The following PCBP3 variants were observed in gnomAD, a reference collection of about 807,000 sequenced individuals.
PCBP3 encodes poly(rC)-binding protein 3.
A neutral mutation model predicts 52.7 loss-of-function variants in PCBP3; 25 were observed. The ratio of observed to expected loss-of-function variants is 0.47; its 90% confidence interval spans 0.35 to 0.66. PCBP3 has a LOEUF of 0.66. Ranked by LOEUF, PCBP3 falls within the 30% of genes least tolerant of loss-of-function variation. The probability of loss-of-function intolerance (pLI) is 0.01; values close to 1 mark genes in which losing one functional copy is unlikely to be tolerated. For missense variants in PCBP3, 391 were observed against 490.3 expected, an observed-to-expected ratio of 0.80 and a Z score of 1.91; for synonymous variants, 162 against 183.0, an observed-to-expected ratio of 0.89 and a Z score of 0.93.
At chr21:45,668,084 G>C (rs939682024) in intron 1 of PCBP3, among the ~76,000 whole-genome samples, 1 of 152,042 alleles carries the variant, frequency 6.6e-6, no homozygotes, top group Non-Finnish European at 1.5e-5. Flanking sequence ...TTTTCTGATT[G>C]TGCAGAGTCT....
In PCBP3 at chr21:45,656,547, C is replaced by T. The variant is rs1381081701; in HGVS notation, c.-278-12327C>T. Reference sequence around the variant, plus strand: ...TAGGAGAACTACCTAATGTAGATGACGGGTTGATGGGTGCAGCAAACCACC... The same window carrying T: ...TAGGAGAACTACCTAATGTAGATGATGGGTTGATGGGTGCAGCAAACCACC... On this transcript the variant is annotated intron_variant, in intron 1 of 17. Coordinates refer to ENST00000681687, the MANE Select transcript of PCBP3 (RefSeq NM_001384156.1). The surrounding 1 kb of genome is among the most constrained non-coding windows in gnomAD (Gnocchi z 4.3). 4.6e-5 allele frequency among the ~76,000 whole-genome samples: 7 copies of T among 151,928 alleles called. No homozygotes were observed. Among genetic ancestry groups the T allele is most frequent in the East Asian group, 3.9e-4 (2 of 5,184 alleles).
intron 4 of PCBP3, among the ~76,000 whole-genome samples, chr21:45,767,805 C>G (rs1023982984): frequency 5.9e-5 from 9 of 152,226 alleles, no homozygotes; most frequent in African/African-American, 2.2e-4. Flanking sequence ...AGGCCCCAGG[C>G]CCCTGCAGGT....
At chr21:45,939,082 G>A (rs1278821661) in intron 16 of PCBP3, among the ~76,000 whole-genome samples, 1 of 152,242 alleles carries the variant, frequency 6.6e-6, no homozygotes, top group Non-Finnish European at 1.5e-5. Flanking sequence ...CGGGAGGTGG[G>A]AGTGGACTCT....
At chr21:45,649,499 C>T (rs996118904) in intron 1 of PCBP3, among the ~76,000 whole-genome samples, 53 of 152,212 alleles carry the variant, frequency 3.5e-4, no homozygotes, top group African/African-American at 1.2e-3. Flanking sequence ...AAATTCATAA[C>T]CAATTGTACC....
At chr21:45,740,322 A>ACTTCTGTTAGCATC (rs1178095967) in intron 3 of PCBP3, among the ~76,000 whole-genome samples, 1 of 152,166 alleles carries the variant, frequency 6.6e-6, no homozygotes, top group African/African-American at 2.4e-5. Flanking sequence ...CTGGCAGGTC[A>ACTTCTGTTAGCATC]CTTCTGTTAG....
chr21:45,743,995 A>G (rs151096155), intron 3 of PCBP3, among the ~76,000 whole-genome samples: 419 of 152,088 alleles, frequency 2.8e-3, no homozygotes, highest in Non-Finnish European at 4.3e-3. Context: ...TTTAGTGTCT[A>G]TATAATTTCT....
At chr21:45,862,051 G>C (rs765703691) in intron 5 of PCBP3, among the ~76,000 whole-genome samples, 1 of 152,092 alleles carries the variant, frequency 6.6e-6, no homozygotes, top group Non-Finnish European at 1.5e-5. Context: ...TGGGATGTAA[G>C]GGTAAAAAGG....
In PCBP3 at chr21:45,735,056, C is replaced by G. The variant is rs747704798; in HGVS notation, c.-199-336C>G. ...TACTCTCCCTGTGTTCTTACCTTCC[C>G]CTATAGATTCAGAGGGATTTGAGAA... On this transcript the variant is annotated intron_variant, in intron 2 of 17. Coordinates refer to ENST00000681687, the MANE Select transcript of PCBP3 (RefSeq NM_001384156.1). The surrounding 1 kb of genome is among the most constrained non-coding windows in gnomAD (Gnocchi z 4.0). Among the ~76,000 whole-genome samples, 1 of 152,176 alleles carries G rather than the reference C, an allele frequency of 6.6e-6. No individual in the cohort carries two copies. The highest frequency in any genetic ancestry group is 1.5e-5 in the Non-Finnish European group (1 of 68,032).
chr21:45,805,866 C>T lies in PCBP3; in HGVS notation c.-125-44095C>T, dbSNP rs1437861955. On this transcript the variant is annotated intron_variant, in intron 4 of 17. Transcript: ENST00000681687. The surrounding 1 kb of genome is among the most constrained non-coding windows in gnomAD (Gnocchi z 4.6). ...CCTAGCACCTGCACACTCGGATGGT[C>T]CTGAGGAAAGGAGGGCGAGAGCAGA... 6.6e-6 allele frequency among the ~76,000 whole-genome samples: 1 copy of T among 152,048 alleles called. No homozygotes were observed. Among genetic ancestry groups the T allele is most frequent in the Non-Finnish European group, 1.5e-5 (1 of 68,008 alleles).
chr21:45,644,118 G>A (rs1356039410), intron 1 of PCBP3, among the ~76,000 whole-genome samples: 1 of 151,318 alleles, frequency 6.6e-6, no homozygotes, highest in Non-Finnish European at 1.5e-5. Flanking sequence ...GCCCGCCTCC[G>A]CCCCCTCCCC....
At chr21:45,789,308 G>A (rs922116474) in intron 4 of PCBP3, among the ~76,000 whole-genome samples, 20 of 152,242 alleles carry the variant, frequency 1.3e-4, no homozygotes, top group Admixed American at 7.2e-4. Context: ...GCATGTGTGC[G>A]AGGGTGAGTG....
At position 45,805,727 on chromosome 21, in the gene PCBP3, C is replaced by G. The variant is rs995884889; in HGVS notation, c.-125-44234C>G. Among the ~76,000 whole-genome samples the G allele has an allele frequency of 2.6e-5, 4 of 152,218 alleles. No individual in the cohort carries two copies. The highest frequency in any genetic ancestry group is 4.8e-5 in the African/African-American group (2 of 41,466). ...CCCTGCACCTGAGCTTGCAGGCATGCTCCTGTCTTTCTGTGGTGGTAAAGG... is the reference window on the plus strand; with the variant it reads ...CCCTGCACCTGAGCTTGCAGGCATGGTCCTGTCTTTCTGTGGTGGTAAAGG... On this transcript the variant is annotated intron_variant, in intron 4 of 17. Transcript: ENST00000681687. This position sits in a 1 kb window ranked among gnomAD's most constrained non-coding sequence, Gnocchi z 4.6.
At chr21:45,794,873 G>A (rs922043165) in intron 4 of PCBP3, among the ~76,000 whole-genome samples, 4 of 151,322 alleles carry the variant, frequency 2.6e-5, no homozygotes, top group East Asian at 2.0e-4. Flanking sequence ...AGCTTGCAGT[G>A]AGCCGAGATT....
At chr21:45,891,175 C>A (rs1201087938) in intron 5 of PCBP3, among the ~76,000 whole-genome samples, 4 of 133,984 alleles carry the variant, frequency 3.0e-5, no homozygotes, top group African/African-American at 5.0e-5. Context: ...AGTGGAACCG[C>A]CGTGCCGCAG....
At chr21:45,926,105 C>T (rs2075369280) in intron 13 of PCBP3, among the ~76,000 whole-genome samples, 1 of 152,270 alleles carries the variant, frequency 6.6e-6, no homozygotes, top group Non-Finnish European at 1.5e-5. Flanking sequence ...AAAGCAATTG[C>T]AGTCATGCAC....
intron 15 of PCBP3, among the ~76,000 whole-genome samples, chr21:45,934,073 C>T (rs917842337): frequency 6.6e-6 from 1 of 151,896 alleles, no homozygotes; most frequent in Non-Finnish European, 1.5e-5. Flanking sequence ...CTGAGGGGCA[C>T]AGCAGAGGCA....
rs188817388 is a variant in PCBP3, at chr21:45,704,727, A to G, written c.-199-30665A>G. On this transcript the variant is annotated intron_variant, in intron 2 of 17. Coordinates refer to ENST00000681687, the MANE Select transcript of PCBP3 (RefSeq NM_001384156.1). The surrounding 1 kb of genome is among the most constrained non-coding windows in gnomAD (Gnocchi z 4.1). ...CCATAGCTTCCTGACCTCTGGAAGAACAGAAGTTGCTGCTGGCAGAGTTCC... is the reference window on the plus strand; with the variant it reads ...CCATAGCTTCCTGACCTCTGGAAGAGCAGAAGTTGCTGCTGGCAGAGTTCC... Among the ~76,000 whole-genome samples the G allele has an allele frequency of 1.7e-3, 263 of 152,344 alleles. 1 individual carries two copies. Among genetic ancestry groups the G allele is most frequent in the African/African-American group, 6.1e-3 (252 of 41,584 alleles).
chr21:45,891,174 G>A (rs190625151), intron 5 of PCBP3, among the ~76,000 whole-genome samples: 4 of 133,706 alleles, frequency 3.0e-5, no homozygotes, highest in East Asian at 5.8e-4. Context: ...TAGTGGAACC[G>A]CCGTGCCGCA....
intron 4 of PCBP3, among the ~76,000 whole-genome samples, chr21:45,819,405 C>T (rs1310273641): frequency 6.6e-6 from 1 of 152,224 alleles, no homozygotes; most frequent in Non-Finnish European, 1.5e-5. Context: ...GCTCTTCTCC[C>T]AAGAACACAC....
Sources: allele counts gnomAD v4.1 joint callset (sites outside exome capture counted in the v4.1 genomes callset), GRCh38; gene constraint gnomAD v4.1.1; non-coding constraint Gnocchi (gnomAD v3.1); transcripts MANE v1.5; gene names NCBI Gene and HGNC (gene_info 2026-07-23, HGNC 2026-07-21).